MTF2: variants seen among roughly 807,000 people sequenced by gnomAD.
The protein encoded by MTF2 is metal response element binding transcription factor 2.
A neutral mutation model predicts 79.5 loss-of-function variants in MTF2; 11 were observed. The ratio of observed to expected loss-of-function variants is 0.14; its 90% confidence interval spans 0.09 to 0.23. The LOEUF is 0.23. Among genes scored for constraint, MTF2 ranks in the 10% least tolerant of loss-of-function variants. The pLI is 1.00. For missense variants in MTF2, 486 were observed against 711.2 expected (o/e 0.68, Z 3.60); for synonymous variants, 208 against 232.8 (o/e 0.89, Z 0.97).
chr1:93,101,568 G>GTTTTTT (rs71586778), intron 1 of MTF2, among the ~76,000 whole-genome samples: 1,033 of 25,318 alleles, frequency 0.041, 383 homozygotes, highest in Middle Eastern at 0.17. Flanking sequence ...GCTCAGGCTG[G>GTTTTTT]TTTTTTTTTT....
At chr1:93,120,360 C>G (rs1656427011) in intron 8 of MTF2, 189 bp from the exon 9 acceptor site, 1 of 351,020 alleles carries the variant, frequency 2.8e-6, no homozygotes, top group Admixed American at 5.3e-5. Flanking sequence ...AGTTGCTATT[C>G]AGAATAAGTG....
At chr1:93,099,696 A>G (rs1655447877) in intron 1 of MTF2, among the ~76,000 whole-genome samples, 1 of 152,190 alleles carries the variant, frequency 6.6e-6, no homozygotes, top group Admixed American at 6.5e-5. Context: ...TAGAAAGCAG[A>G]GTGATAAGGG....
intron 1 of MTF2, among the ~76,000 whole-genome samples, chr1:93,108,222 A>T (rs368063906): frequency 4.6e-5 from 7 of 152,106 alleles, no homozygotes; most frequent in African/African-American, 1.7e-4. Context: ...CTTTGGAGGG[A>T]ATATGCATTT....
intron 11 of MTF2, among the ~76,000 whole-genome samples, chr1:93,132,240 A>T (rs1656950117): frequency 6.6e-6 from 1 of 152,212 alleles, no homozygotes; most frequent in African/African-American, 2.4e-5. Flanking sequence ...GTTTGTAAGA[A>T]ATTAGCTACT....
chr1:93,097,919 T>C (rs745829808), intron 1 of MTF2, among the ~76,000 whole-genome samples: 4 of 152,174 alleles, frequency 2.6e-5, no homozygotes, highest in Non-Finnish European at 5.9e-5. Flanking sequence ...AATAGATTAT[T>C]GCAGATTTAT....
chr1:93,086,613 G>A (rs755612786), intron 1 of MTF2, among the ~76,000 whole-genome samples: 27 of 151,974 alleles, frequency 1.8e-4, no homozygotes, highest in Non-Finnish European at 3.1e-4. Flanking sequence ...AGGCAGCCCC[G>A]GGTGAATCTT....
intron 11 of MTF2, among the ~76,000 whole-genome samples, chr1:93,132,703 T>G (rs990350963): frequency 1.3e-5 from 2 of 152,174 alleles, no homozygotes; most frequent in African/African-American, 2.4e-5. Flanking sequence ...TGACCTTTTT[T>G]GGCATCTGGA....
chr1:93,090,953 G>T (rs1204964362), intron 1 of MTF2, among the ~76,000 whole-genome samples: 1 of 152,098 alleles, frequency 6.6e-6, no homozygotes, highest in South Asian at 2.1e-4. Context: ...GTGAGCCACC[G>T]CACCCAGCCT....
chr1:93,108,757 CT>C (rs891960189), intron 1 of MTF2, among the ~76,000 whole-genome samples: 7 of 151,938 alleles, frequency 4.6e-5, no homozygotes, highest in Middle Eastern at 3.4e-3. Flanking sequence ...CCAGTTATTT[CT>C]TTGGATATCT....
chr1:93,110,767 A>T, intron 3 of MTF2, 141 bp downstream of exon 3: 1 of 690,116 alleles, frequency 1.4e-6, no homozygotes. Flanking sequence ...AAAAATCAGC[A>T]TAGTCGTTAT....
chr1:93,089,656 TA>T (rs1654989124), intron 1 of MTF2, among the ~76,000 whole-genome samples: 1 of 152,094 alleles, frequency 6.6e-6, no homozygotes, highest in African/African-American at 2.4e-5. Flanking sequence ...GGGCCCAGGA[TA>T]TCTTCACACT....
At chr1:93,080,343 C>T (rs1433370781) in intron 1 of MTF2, among the ~76,000 whole-genome samples, 3 of 152,146 alleles carry the variant, frequency 2.0e-5, no homozygotes, top group Admixed American at 1.3e-4. Flanking sequence ...AACTCTAACT[C>T]TGTGTTTTAC....
intron 1 of MTF2, among the ~76,000 whole-genome samples, chr1:93,087,941 CTTT>C (rs3834084): frequency 5.3e-5 from 8 of 152,006 alleles, no homozygotes; most frequent in Non-Finnish European, 7.4e-5. Flanking sequence ...GATATGAATG[CTTT>C]TGAGAAAGTT....
intron 1 of MTF2, among the ~76,000 whole-genome samples, chr1:93,101,482 T>A (rs928261227): frequency 1.4e-5 from 2 of 146,424 alleles, no homozygotes; most frequent in African/African-American, 5.0e-5. Flanking sequence ...TGAGCTCAAG[T>A]GATCCTGCAG....
At chr1:93,081,083 TACATTTATA>T (rs1313521258) in intron 1 of MTF2, 2 of 152,362 alleles carry the variant, frequency 1.3e-5, no homozygotes, top group East Asian at 3.9e-4. Context: ...TTCCTGATAC[TACATTTATA>T]ATGTTAGTGG....
Position 93,119,369 on chromosome 1 carries a change from A to G in MTF2, c.765A>G (p.Gly255=). The G allele has an allele frequency of 1.2e-6, 2 of 1,602,364 alleles. No individual in the cohort carries two copies. The highest frequency in any genetic ancestry group is 1.7e-6 in the Non-Finnish European group (2 of 1,175,902). ...TTATATGCTCTGTCTGCAGTTCTGG[A>G]CCAGAATACCTCAAACGTCTACCAT... is the stretch of plus-strand genomic sequence containing the variant. ...YTFICSVCSS[G]PEYLKRLPLQ... Residue 255 remains glycine, a synonymous_variant, in exon 8 of 15, where the codon GGA becomes GGG. Transcript: ENST00000370298.
At chr1:93,115,420 G>GT in intron 5 of MTF2, 50 bp from the exon 6 acceptor site, 5 of 1,355,220 alleles carry the variant, frequency 3.7e-6, no homozygotes, top group Admixed American at 2.5e-5. Flanking sequence ...ATAGAATTGT[G>GT]TTTAAAATTT....
In MTF2 at chr1:93,137,118, TAA is replaced by T. The variant is rs574626028; in HGVS notation, c.*104_*105del. 1,436 of 812,104 alleles carry T rather than the reference TAA, an allele frequency of 1.8e-3. No homozygotes were observed. Among genetic ancestry groups the T allele is most frequent in the South Asian group, 2.9e-3 (111 of 38,594 alleles). The allele number at this position is 812,104 out of a possible 1,614,324, so 50.3% of individuals were successfully genotyped here. A position where few individuals can be genotyped will look rare whatever the true frequency, so the allele number is the denominator to read the frequency against. ...GGAGTCTGGCTTTTACTATCTTTCT[TAA>T]AAAAAAAAAAAAGTCAAAAAAATTC... On this transcript the variant is annotated 3_prime_UTR_variant, in exon 15 of 15. Transcript: ENST00000370298.
At chr1:93,100,602 C>A (rs1655492136) in intron 1 of MTF2, among the ~76,000 whole-genome samples, 1 of 152,178 alleles carries the variant, frequency 6.6e-6, no homozygotes, top group African/African-American at 2.4e-5. Flanking sequence ...CCACCACCCC[C>A]AGCTGTTTGT....
Sources: allele counts gnomAD v4.1 joint callset (sites outside exome capture counted in the v4.1 genomes callset), GRCh38; gene constraint gnomAD v4.1.1; transcripts MANE v1.5; gene names NCBI Gene and HGNC (gene_info 2026-07-23, HGNC 2026-07-21).